The following ATP6V0E2 variants were observed in gnomAD, a reference collection of about 807,000 sequenced individuals.
ATP6V0E2 encodes the protein V-type proton ATPase subunit e 2.
ATP6V0E2 carries 4 observed loss-of-function variants against 11.5 expected under a neutral mutation model. The ratio of observed to expected loss-of-function variants is 0.35; its 90% CI spans 0.17 to 0.80. ATP6V0E2 has a LOEUF of 0.80. ATP6V0E2 is among the 30% of genes least tolerant of loss of function. ATP6V0E2 has a pLI of 0.53. For missense variants in ATP6V0E2, 93 were observed against 113.5 expected (o/e 0.82, Z 0.82); for synonymous variants, 52 against 51.0 (o/e 1.02, Z -0.09).
chr7:149,875,433 CTTGCTATTCTTACCCTGAGTAGAACT>C (rs1481354853), intron 1 of ATP6V0E2, among the ~76,000 whole-genome samples, 139 bp from the exon 2 acceptor site: 2 of 152,118 alleles, frequency 1.3e-5, no homozygotes, highest in African/African-American at 4.8e-5. Flanking sequence ...TATTTTCTGC[CTTGCTATTCTTACCCTGAGTAGAACT>C]CAGCCTCCTG....
chr7:149,879,489 C>G lies in ATP6V0E2; in HGVS notation c.*174C>G. On this transcript the variant is annotated 3_prime_UTR_variant, in exon 4 of 4. Coordinates refer to ENST00000425642, the MANE Select transcript of ATP6V0E2 (RefSeq NM_145230.4). The stretch of plus-strand genomic sequence containing the variant: ...CCTGCCTGGTTCCTGGAAGTCTTCC[C>G]AGTCTTCCCAGCCAGCCCGGGCCCT... 6.3e-7 allele frequency: 1 copy of G among 1,592,860 alleles called. No homozygotes were observed. The highest frequency in any genetic ancestry group is 1.1e-5 in the South Asian group (1 of 87,558).
In ATP6V0E2 at chr7:149,874,093, G is replaced by T. The variant is rs1165765504; in HGVS notation, c.28G>T (p.Val10Phe). The change falls in exon 1 of 4, where the codon GTC (valine) becomes TTC (phenylalanine). Residue 10 changes from valine to phenylalanine, a missense_variant. By Grantham distance (50) the Val-to-Phe change is conservative. Transcript: ENST00000425642. ...GACGGCGCACTCATTCGCCCTCCCG[G>T]TCATCATCTTCACCACGTTCTGGGG... is the stretch of plus-strand genomic sequence containing the variant. MTAHSFALP[V>F]IIFTTFWGLV... 3.9e-6 allele frequency: 6 copies of T among 1,550,020 alleles called. No individual in the cohort carries two copies. The highest frequency in any genetic ancestry group is 4.4e-6 in the Non-Finnish European group (5 of 1,146,624).
Position 149,878,759 on chromosome 7 carries a change from C to T in ATP6V0E2, c.234C>T (p.Phe78=), listed in dbSNP as rs762745120. The T allele has an allele frequency of 1.5e-5, 24 of 1,612,994 alleles. No homozygotes were observed. The East Asian group carries it at 4.9e-4, about 33-fold the overall frequency. Residue 78 remains phenylalanine (F), a synonymous_variant, in exon 3 of 4, where the codon TTC becomes TTT. Coordinates refer to ENST00000425642, the MANE Select transcript of ATP6V0E2 (RefSeq NM_145230.4). ...ATGAGACCATCTGGTACGTGCGCTT[C>T]CTGTGGGAGTGACCCGCCGCCCCCG... The part of the protein sequence containing the change: ...LKNETIWYVR[F]LWE
intron 2 of ATP6V0E2, among the ~76,000 whole-genome samples, chr7:149,877,760 C>G (rs1355622111): frequency 6.6e-6 from 1 of 152,088 alleles, no homozygotes. Flanking sequence ...TCCCAAATAC[C>G]AACTGAATCA....
chr7:149,873,997 TG>T lies in ATP6V0E2; in HGVS notation c.-65del. 1 of 1,545,668 alleles carries T rather than the reference TG, an allele frequency of 6.5e-7. No homozygotes were observed. ...GCGCATGCTCAGCGCGCTGCCCGGC[TG>T]GGGACCCGCGCACCTGCAGCGCCCG... On this transcript the variant is annotated 5_prime_UTR_variant, in exon 1 of 4. Coordinates refer to ENST00000425642, the MANE Select transcript of ATP6V0E2 (RefSeq NM_145230.4).
intron 3 of ATP6V0E2, 195 bp downstream of exon 3, chr7:149,878,985 G>C: frequency 1.7e-5 from 2 of 120,292 alleles, no homozygotes; most frequent in Non-Finnish European, 2.6e-5. Context: ...TGGCACTTCT[G>C]GGTTTGGTTT....
In ATP6V0E2 at chr7:149,874,056, G is replaced by A; in HGVS notation, c.-10G>A. The stretch of plus-strand genomic sequence containing the variant: ...GCCCTGCATCCTGCCTGGGCATCCT[G>A]CGCCCGGCCATGACGGCGCACTCAT... On this transcript the variant is annotated 5_prime_UTR_variant, in exon 1 of 4. Transcript: ENST00000425642. 1 of 1,549,908 alleles carries A rather than the reference G, an allele frequency of 6.5e-7. No homozygotes were observed. The highest frequency in any genetic ancestry group is 8.7e-7 in the Non-Finnish European group (1 of 1,146,636).
In ATP6V0E2 at chr7:149,874,255, T is replaced by A. The variant is rs1436878403; in HGVS notation, c.104+86T>A. 6 of 1,439,284 alleles carry A rather than the reference T, an allele frequency of 4.2e-6. No homozygotes were observed. In the African/African-American group the frequency reaches 8.7e-5, roughly 21 times the overall value. 89.2% of individuals were successfully genotyped at this position (1,439,284 alleles called of 1,614,324 possible). A position where few individuals can be genotyped will look rare whatever the true frequency, so the allele number is the denominator to read the frequency against. On this transcript the variant is annotated intron_variant, in intron 1 of 3. Coordinates refer to ENST00000425642, the MANE Select transcript of ATP6V0E2 (RefSeq NM_145230.4). ...CCTCCGCCCCGGGGCGGCGGCTTCC[T>A]GCTCTGCAGCGAGCGTCCGCAGGAG...
chr7:149,877,113 C>T (rs1394594235), intron 2 of ATP6V0E2, among the ~76,000 whole-genome samples: 2 of 118,570 alleles, frequency 1.7e-5, no homozygotes, highest in African/African-American at 3.4e-5. Flanking sequence ...TGGTCTCAAA[C>T]TCCTGGGCTC....
chr7:149,873,666 T>C (rs1802953603), upstream of ATP6V0E2: 6 of 390,414 alleles, frequency 1.5e-5, no homozygotes, highest in Non-Finnish European at 2.6e-5. Context: ...GCGCGGCGCG[T>C]GAAGGGCAGG....
At chr7:149,873,723 C>T (rs1490116682), upstream of ATP6V0E2, 1 of 724,284 alleles carries the variant, frequency 1.4e-6, no homozygotes, top group Non-Finnish European at 2.1e-6. Flanking sequence ...CTCCAGGGGT[C>T]TTTGGAAATA....
chr7:149,876,370 C>T (rs1470969489), intron 2 of ATP6V0E2, among the ~76,000 whole-genome samples: 2 of 151,352 alleles, frequency 1.3e-5, no homozygotes, highest in South Asian at 2.1e-4. Flanking sequence ...AGTGAGACTC[C>T]GACTCTAAAA....
At chr7:149,877,929 G>C (rs1803239954) in intron 2 of ATP6V0E2, among the ~76,000 whole-genome samples, 1 of 152,226 alleles carries the variant, frequency 6.6e-6, no homozygotes, top group African/African-American at 2.4e-5. Flanking sequence ...TGGCTTCCTG[G>C]GCGTTAGGTC....
chr7:149,878,046 C>G (rs150873568), intron 2 of ATP6V0E2, among the ~76,000 whole-genome samples: 1,595 of 152,330 alleles, frequency 0.01, 10 homozygotes, highest in Non-Finnish European at 0.017. Flanking sequence ...AGGTCAGGCA[C>G]TGACAGAGCG....
intron 2 of ATP6V0E2, chr7:149,876,173 C>T (rs537334118): frequency 2.0e-4 from 91 of 447,180 alleles, no homozygotes; most frequent in African/African-American, 1.4e-3. Flanking sequence ...GTCAGGAGTT[C>T]GAGACCAGTC....
Position 149,880,620 on chromosome 7 carries a change from C to T in ATP6V0E2, c.*1305C>T, listed in dbSNP as rs962637997. On this transcript the variant is annotated 3_prime_UTR_variant, in exon 4 of 4. Coordinates refer to ENST00000425642, the MANE Select transcript of ATP6V0E2 (RefSeq NM_145230.4). ...CCTCTCTGAGCCTCCGTCGCCCCTC[C>T]TGTTGGGTAAGGGTGTTGAGTGTGA... The T allele has an allele frequency of 2.0e-5, 3 of 152,436 alleles. No homozygotes were observed. The highest frequency in any genetic ancestry group is 7.2e-5 in the African/African-American group (3 of 41,470). The allele number at this position is 152,436 out of a possible 1,614,324, so 9.4% of individuals were successfully genotyped here. A position where few individuals can be genotyped will look rare whatever the true frequency, so the allele number is the denominator to read the frequency against.
Position 149,874,122 on chromosome 7 carries a change from C to T in ATP6V0E2, c.57C>T (p.Leu19=), listed in dbSNP as rs1802988274. ...PVIIFTTFWG[L]VGIAGPWFVP... ...TCATCTTCACCACGTTCTGGGGCCT[C>T]GTCGGCATCGCCGGGCCCTGGTTCG... Residue 19 remains leucine (L), a synonymous_variant, in exon 1 of 4, where the codon CTC becomes CTT. Transcript: ENST00000425642. 2 of 1,549,824 alleles carry T rather than the reference C, an allele frequency of 1.3e-6. No homozygotes were observed. The highest frequency in any genetic ancestry group is 1.2e-5 in the South Asian group (1 of 84,054).
rs140672713 is a variant in ATP6V0E2 at position 149,879,837 on chromosome 7, G to A, written c.*522G>A. 220 of 470,848 alleles carry A rather than the reference G, an allele frequency of 4.7e-4. 1 individual carries two copies. Among genetic ancestry groups the A allele is most frequent in the African/African-American group, 3.6e-3 (180 of 49,938 alleles). The allele number at this position is 470,848 out of a possible 1,614,324, so 29.2% of individuals were successfully genotyped here. On this transcript the variant is annotated 3_prime_UTR_variant, in exon 4 of 4. Transcript: ENST00000425642. ...CATGGAATTGTTAATTTTCTGACACGTCTAGATGTGAAATTTCTGAAAATG... is the reference window on the plus strand; with the variant it reads ...CATGGAATTGTTAATTTTCTGACACATCTAGATGTGAAATTTCTGAAAATG...
chr7:149,875,492 C>A, intron 1 of ATP6V0E2, 106 bp from the exon 2 acceptor site: 2 of 1,108,978 alleles, frequency 1.8e-6, no homozygotes, highest in Non-Finnish European at 2.8e-6. Context: ...ATCAGGAAGG[C>A]CAATGGAAAA....
Sources: allele counts gnomAD v4.1 joint callset (sites outside exome capture counted in the v4.1 genomes callset), GRCh38; gene constraint gnomAD v4.1.1; transcripts MANE v1.5; gene names NCBI Gene and HGNC (gene_info 2026-07-23, HGNC 2026-07-21).